The following ZFHX3 variants were observed in gnomAD, a reference collection of about 807,000 sequenced individuals.
ZFHX3 encodes the protein zinc finger homeobox protein 3.
ZFHX3 carries 42 observed loss-of-function variants against 279.1 expected under a neutral mutation model. That is an observed-to-expected ratio of 0.15 (90% confidence interval 0.12 to 0.19). ZFHX3 has a LOEUF of 0.19. Ranked by LOEUF, ZFHX3 falls within the 10% of genes least tolerant of loss-of-function variation. The pLI is 1.00. For missense variants in ZFHX3, 4,981 were observed against 4,754.0 expected (o/e 1.05, Z -1.40); for synonymous variants, 2,293 against 1,957.8 (o/e 1.17, Z -4.52).
chr16:72,796,409 C>A lies in ZFHX3; in HGVS notation c.6273G>T (p.Pro2091=), dbSNP rs747711659. The A allele has an allele frequency of 5.0e-6, 8 of 1,612,194 alleles. No individual in the cohort carries two copies. The Admixed American group carries it at 6.7e-5, about 13-fold the overall frequency. Residue 2091 remains proline, a synonymous_variant, in exon 9 of 10, where the codon CCG becomes CCT. Transcript: ENST00000268489. The stretch of plus-strand genomic sequence containing the variant: ...GCGGCGAGAAGATGGGCAGCTCCAT[C>A]GGCATGGAGAGCTGGGTGAGCGGCA... ...PSVPLTQLSM[P]MELPIFSPLM...
intron 4 of ZFHX3, among the ~76,000 whole-genome samples, chr16:72,887,647 G>A (rs925782186): frequency 1.3e-5 from 2 of 149,644 alleles, no homozygotes; most frequent in African/African-American, 4.9e-5. Context: ...TGGGGTGTGT[G>A]GGGGTACAGT....
At chr16:73,145,966 G>A (rs541284233) in intron 5 of ZFHX3, among the ~76,000 whole-genome samples, 3 of 152,206 alleles carry the variant, frequency 2.0e-5, no homozygotes, top group Non-Finnish European at 4.4e-5. Flanking sequence ...CTCAGGCAGG[G>A]GAAAGAAATT....
rs116886176 is a variant in ZFHX3 at position 73,075,540 on chromosome 16, C to A, written c.-532-16528G>T. 3.6e-4 allele frequency among the ~76,000 whole-genome samples: 55 copies of A among 152,070 alleles called. No homozygotes were observed. The East Asian group carries it at 9.7e-3, about 27-fold the overall frequency. The stretch of plus-strand genomic sequence containing the variant: ...CACCTTACACGCAAAGCCTAAATGT[C>A]AGAGACATGATCTTGCAGTGATATA... On this transcript the variant is annotated intron_variant, in intron 8 of 17. Transcript: ENST00000641206.
chr16:73,395,437 C>G (rs2017107631), intron 3 of ZFHX3, among the ~76,000 whole-genome samples: 1 of 152,060 alleles, frequency 6.6e-6, no homozygotes, highest in African/African-American at 2.4e-5. Context: ...GCACTCTAGC[C>G]TGGGTGACAA....
Position 73,704,349 on chromosome 16 carries a change from G to C in ZFHX3, c.-1607-24109C>G, listed in dbSNP as rs376057869. Among the ~76,000 whole-genome samples, 70 of 152,258 alleles carry C rather than the reference G, an allele frequency of 4.6e-4. 1 individual carries two copies. In the South Asian group the frequency reaches 0.014, roughly 30 times the overall value. On this transcript the variant is annotated intron_variant, in intron 1 of 17. Transcript: ENST00000641206. ...ACCATGCAACTGTTCTTCAGGGAAT[G>C]AACAAGAAATTGCTCTTACAGAGCA...
intron 3 of ZFHX3, among the ~76,000 whole-genome samples, chr16:73,441,487 C>T (rs991020922): frequency 6.6e-6 from 1 of 152,152 alleles, no homozygotes; most frequent in African/African-American, 2.4e-5. Flanking sequence ...CAGATGTTCC[C>T]TAAACACTGT....
intron 1 of ZFHX3, among the ~76,000 whole-genome samples, chr16:73,860,282 G>A (rs948111179): frequency 7.2e-5 from 11 of 152,126 alleles, no homozygotes; most frequent in Non-Finnish European, 1.5e-4. Flanking sequence ...TGTCCCAAGA[G>A]CAGCGGAATC....
chr16:73,152,204 A>C (rs2144846898), intron 5 of ZFHX3, among the ~76,000 whole-genome samples: 1 of 152,352 alleles, frequency 6.6e-6, no homozygotes, highest in East Asian at 1.9e-4. Flanking sequence ...AACAGCTGAC[A>C]AATAAAAAAT....
intron 2 of ZFHX3, among the ~76,000 whole-genome samples, chr16:73,575,379 T>C (rs825683): frequency 0.029 from 4,368 of 152,282 alleles, 89 homozygotes; most frequent in South Asian, 0.074. Context: ...CACATGATGT[T>C]TTGTCCTTTG....
At chr16:72,859,410 C>CCG (rs2037828942) in intron 4 of ZFHX3, among the ~76,000 whole-genome samples, 1 of 152,128 alleles carries the variant, frequency 6.6e-6, no homozygotes, top group South Asian at 2.1e-4. Context: ...CCCAGAGAGG[C>CCG]CGCAAGGGGG....
intron 4 of ZFHX3, among the ~76,000 whole-genome samples, chr16:72,864,087 C>T (rs1051066911): frequency 2.6e-5 from 4 of 151,978 alleles, no homozygotes; most frequent in Admixed American, 6.5e-5. Context: ...ACTTGCAGTC[C>T]GGCCTGGGCG....
Position 73,777,086 on chromosome 16 carries a change from A to T in ZFHX3, c.-1607-96846T>A, listed in dbSNP as rs1959273899. Reference sequence around the variant, plus strand: ...GCATCACCACGCTTTGTAAGAAGGAACACACACCATCTAACACATCGATCC... The same window carrying T: ...GCATCACCACGCTTTGTAAGAAGGATCACACACCATCTAACACATCGATCC... On this transcript the variant is annotated intron_variant, in intron 1 of 17. Coordinates refer to the ZFHX3 transcript ENST00000641206. 2.0e-5 allele frequency among the ~76,000 whole-genome samples: 3 copies of T among 152,154 alleles called. No individual in the cohort carries two copies. The South Asian group carries it at 6.2e-4, about 32-fold the overall frequency.
chr16:73,348,541 G>T (rs950902421), intron 3 of ZFHX3, among the ~76,000 whole-genome samples: 1 of 152,218 alleles, frequency 6.6e-6, no homozygotes. Flanking sequence ...TTCCACGGGC[G>T]TTTCTACTGA....
At chr16:73,389,294 C>A (rs2016963357) in intron 3 of ZFHX3, 1 of 152,212 alleles carries the variant, frequency 6.6e-6, no homozygotes, top group Admixed American at 6.5e-5. Flanking sequence ...GCTGCTTTTG[C>A]ACTAGAACGG....
intron 3 of ZFHX3, among the ~76,000 whole-genome samples, chr16:73,375,875 T>C (rs1269531365): frequency 6.6e-6 from 1 of 152,236 alleles, no homozygotes; most frequent in East Asian, 1.9e-4. Flanking sequence ...TGCTTTAAAA[T>C]AATTTAGATG....
At chr16:73,101,561 T>C (rs188448044) in intron 7 of ZFHX3, among the ~76,000 whole-genome samples, 1 of 151,938 alleles carries the variant, frequency 6.6e-6, no homozygotes, top group African/African-American at 2.4e-5. Flanking sequence ...TAAATTTTTT[T>C]AAATTTTTTT....
chr16:73,127,614 G>A (rs746289464), intron 7 of ZFHX3: 22 of 1,293,530 alleles, frequency 1.7e-5, no homozygotes, highest in Non-Finnish European at 2.2e-5. Flanking sequence ...TGGCAGGCAA[G>A]AAAGGAACAG....
At chr16:73,254,043 G>A (rs2013590761) in intron 5 of ZFHX3, among the ~76,000 whole-genome samples, 1 of 152,142 alleles carries the variant, frequency 6.6e-6, no homozygotes, top group African/African-American at 2.4e-5. Context: ...GATCCATCCA[G>A]CATTCATTCC....
At chr16:73,594,634 T>G (rs1195642125) in intron 2 of ZFHX3, among the ~76,000 whole-genome samples, 1 of 152,090 alleles carries the variant, frequency 6.6e-6, no homozygotes, top group African/African-American at 2.4e-5. Flanking sequence ...AATATAGAGC[T>G]CTAGATAGGT....
Sources: allele counts gnomAD v4.1 joint callset (sites outside exome capture counted in the v4.1 genomes callset), GRCh38; gene constraint gnomAD v4.1.1; transcripts MANE v1.5; gene names NCBI Gene and HGNC (gene_info 2026-07-23, HGNC 2026-07-21).